Variants in AP3B1 observed in about 807,000 individuals in gnomAD.
The protein encoded by AP3B1 is adaptor related protein complex 3 subunit beta 1, also known as AP-3 complex subunit beta-1.
A neutral mutation model predicts 132.5 loss-of-function variants in AP3B1; 61 were observed. That is an observed-to-expected ratio of 0.46 (90% CI 0.37 to 0.57). AP3B1 has a LOEUF of 0.57. Among genes scored for constraint, AP3B1 ranks in the 20% least tolerant of loss-of-function variants. The pLI is 0.00. For missense variants in AP3B1, 1,120 were observed against 1,289.4 expected (o/e 0.87, Z 2.01); for synonymous variants, 388 against 438.3 (o/e 0.89, Z 1.43).
At chr5:78,049,812 A>G (rs949428890) in intron 22 of AP3B1, among the ~76,000 whole-genome samples, 1 of 152,218 alleles carries the variant, frequency 6.6e-6, no homozygotes, top group African/African-American at 2.4e-5. Flanking sequence ...TGTATCAGTT[A>G]AAGTTACATC....
chr5:78,274,246 A>C (rs1385393978), intron 1 of AP3B1, among the ~76,000 whole-genome samples: 2 of 152,008 alleles, frequency 1.3e-5, no homozygotes, highest in East Asian at 3.8e-4. Flanking sequence ...AGTATATGAA[A>C]TTAAGAACTC....
At chr5:78,148,896 G>C (rs796804581) in intron 14 of AP3B1, among the ~76,000 whole-genome samples, 36 of 152,208 alleles carry the variant, frequency 2.4e-4, no homozygotes, top group African/African-American at 8.2e-4. Flanking sequence ...CACTTCGTAG[G>C]AAGTAACTAA....
chr5:78,166,401 G>C (rs1198164010), intron 11 of AP3B1, among the ~76,000 whole-genome samples: 2 of 151,966 alleles, frequency 1.3e-5, no homozygotes, highest in African/African-American at 4.8e-5. Context: ...AGTAAAGTTA[G>C]AAAACAATTT....
At chr5:78,155,711 G>A (rs1743120053) in intron 14 of AP3B1, among the ~76,000 whole-genome samples, 1 of 152,070 alleles carries the variant, frequency 6.6e-6, no homozygotes, top group African/African-American at 2.4e-5. Context: ...AGGGTATAGA[G>A]TGAAGGGAGA....
intron 15 of AP3B1, among the ~76,000 whole-genome samples, chr5:78,139,620 C>T (rs1018309457): frequency 4.6e-5 from 7 of 151,966 alleles, no homozygotes; most frequent in East Asian, 1.9e-4. Flanking sequence ...ACTCATATCA[C>T]GATTAGGGAT....
intron 24 of AP3B1, among the ~76,000 whole-genome samples, chr5:78,030,474 G>C (rs555653504): frequency 6.6e-6 from 1 of 152,262 alleles, no homozygotes; most frequent in Admixed American, 6.5e-5. Context: ...ACTGATAAGA[G>C]TACTGATGTG....
At chr5:78,175,725 A>G in intron 10 of AP3B1, 28 bp from the exon 11 acceptor site, 1 of 1,609,586 alleles carries the variant, frequency 6.2e-7, no homozygotes, top group Non-Finnish European at 8.5e-7. Context: ...ATACAAAAAT[A>G]CATTATGGTA....
intron 1 of AP3B1, among the ~76,000 whole-genome samples, chr5:78,268,747 A>G (rs10474534): frequency 0.54 from 81,925 of 151,894 alleles, 22,368 homozygotes; most frequent in Non-Finnish European, 0.57. Context: ...AATATTAAAG[A>G]TAAAGGTTTT....
chr5:78,155,568 A>G (rs747722912), intron 14 of AP3B1, among the ~76,000 whole-genome samples: 24 of 152,202 alleles, frequency 1.6e-4, no homozygotes, highest in Non-Finnish European at 3.1e-4. Flanking sequence ...ATATAAAGGA[A>G]TGAAGTACTA....
intron 21 of AP3B1, among the ~76,000 whole-genome samples, chr5:78,092,069 C>T (rs1206588304): frequency 2.6e-5 from 4 of 152,338 alleles, no homozygotes; most frequent in South Asian, 4.1e-4. Context: ...TCCCATGCAA[C>T]ACGTAACTTT....
chr5:78,182,867 T>G (rs1744427569), intron 7 of AP3B1, among the ~76,000 whole-genome samples: 1 of 152,208 alleles, frequency 6.6e-6, no homozygotes, highest in South Asian at 2.1e-4. Flanking sequence ...ATTGAGAGTT[T>G]CATCTCTACC....
At chr5:78,224,854 T>C (rs546379269) in intron 6 of AP3B1, among the ~76,000 whole-genome samples, 1 of 152,114 alleles carries the variant, frequency 6.6e-6, no homozygotes, top group African/African-American at 2.4e-5. Flanking sequence ...AAGCAAACAC[T>C]AACAGAATTA....
intron 22 of AP3B1, among the ~76,000 whole-genome samples, chr5:78,068,284 T>C (rs555088378): frequency 2.0e-5 from 3 of 151,316 alleles, no homozygotes; most frequent in African/African-American, 7.3e-5. Flanking sequence ...GATCATGCCA[T>C]TGCACTCCAG....
intron 4 of AP3B1, 47 bp downstream of exon 4, chr5:78,228,097 C>A: frequency 7.6e-7 from 1 of 1,316,188 alleles, no homozygotes; most frequent in Middle Eastern, 1.9e-4. Context: ...ACACTTTCAA[C>A]TCTGCAGAAA....
chr5:78,035,023 A>C (rs1309177463), intron 23 of AP3B1, among the ~76,000 whole-genome samples: 2 of 151,962 alleles, frequency 1.3e-5, no homozygotes, highest in Non-Finnish European at 2.9e-5. Context: ...TACTCAAAAA[A>C]ATTTGTGGCA....
At chr5:78,256,391 T>C (rs1487510236) in intron 2 of AP3B1, among the ~76,000 whole-genome samples, 1 of 152,088 alleles carries the variant, frequency 6.6e-6, no homozygotes, top group East Asian at 1.9e-4. Flanking sequence ...TGAGCACCCA[T>C]ATATGCCAAT....
At chr5:78,193,736 A>G (rs1409333230) in intron 7 of AP3B1, among the ~76,000 whole-genome samples, 3,065 of 70,458 alleles carry the variant, frequency 0.044, 148 homozygotes, top group African/African-American at 0.15. Flanking sequence ...ATATTTGTAT[A>G]TATTTTTTTA....
chr5:78,243,281 T>C (rs1471753088), intron 2 of AP3B1, among the ~76,000 whole-genome samples: 2 of 151,988 alleles, frequency 1.3e-5, no homozygotes, highest in African/African-American at 2.4e-5. Context: ...TGCCATTCAT[T>C]CATTCATTCA....
intron 22 of AP3B1, among the ~76,000 whole-genome samples, chr5:78,049,675 G>GCCA (rs1285009509): frequency 6.6e-6 from 1 of 152,168 alleles, no homozygotes; most frequent in Non-Finnish European, 1.5e-5. Flanking sequence ...CCCGGTCTGA[G>GCCA]CCACCACCAC....
Sources: gnomAD v4.1 joint callset for allele counts (sites outside exome capture counted in the v4.1 genomes callset) on GRCh38, gnomAD v4.1.1 for gene constraint, MANE v1.5 for transcripts, NCBI Gene and HGNC (gene_info 2026-07-23, HGNC 2026-07-21) for gene names.